FGFR2: variants seen among roughly 807,000 people sequenced by gnomAD.
FGFR2 encodes the protein fibroblast growth factor receptor 2.
Under a neutral mutation model 95.9 loss-of-function variants are expected in FGFR2, and 19 were observed. That is an observed-to-expected ratio of 0.20 (90% CI 0.14 to 0.29). FGFR2 has a LOEUF of 0.29. Among genes scored for constraint, FGFR2 ranks in the 10% least tolerant of loss-of-function variants. FGFR2 has a pLI of 1.00. For missense variants in FGFR2, 707 were observed against 1,056.9 expected, an observed-to-expected ratio of 0.67 and a Z score of 4.59; for synonymous variants, 392 against 393.3, an observed-to-expected ratio of 1.00 and a Z score of 0.04.
intron 2 of FGFR2, among the ~76,000 whole-genome samples, chr10:121,576,857 G>A (rs1184357828): frequency 1.3e-5 from 2 of 151,754 alleles, no homozygotes; most frequent in South Asian, 2.1e-4. Flanking sequence ...GACCAAGGCC[G>A]GGCATGGTGG....
rs770287475 is a variant in FGFR2 at position 121,593,878 on chromosome 10, CA to C, written c.-62del. On this transcript the variant is annotated 5_prime_UTR_variant, in exon 2 of 18. The change abolishes the stop of an existing upstream ORF in the 5' untranslated region. Transcript: ENST00000358487. ...TCCATGTGGACGTTAATCCCATCTG[CA>C]CACTTCCTCTACGGGCATGGACTAC... The C allele has an allele frequency of 2.7e-6, 4 of 1,482,532 alleles. No individual in the cohort carries two copies. The Admixed American group carries it at 6.7e-5, about 25-fold the overall frequency. 91.8% of individuals were successfully genotyped at this position (1,482,532 alleles called of 1,614,324 possible).
At chr10:121,597,688 G>A (rs1249612425) in intron 1 of FGFR2, among the ~76,000 whole-genome samples, 1 of 152,262 alleles carries the variant, frequency 6.6e-6, no homozygotes, top group Non-Finnish European at 1.5e-5. Flanking sequence ...GCGCCCGCCA[G>A]GGTTTGACAG....
chr10:121,581,656 G>C (rs1304157067), intron 2 of FGFR2, among the ~76,000 whole-genome samples: 1 of 151,468 alleles, frequency 6.6e-6, no homozygotes, highest in Non-Finnish European at 1.5e-5. Flanking sequence ...GAAGGCTAAG[G>C]TGGGAAGACC....
At chr10:121,532,034 G>A (rs1239539357) in intron 6 of FGFR2, among the ~76,000 whole-genome samples, 1 of 152,182 alleles carries the variant, frequency 6.6e-6, no homozygotes, top group East Asian at 1.9e-4. Flanking sequence ...GCCCCCCTCC[G>A]GTGAGATTTC....
intron 9 of FGFR2, among the ~76,000 whole-genome samples, chr10:121,512,676 T>C (rs552561996): frequency 3.9e-5 from 6 of 152,176 alleles, no homozygotes; most frequent in African/African-American, 1.4e-4. Flanking sequence ...ATTACAGGCA[T>C]TTACCATCAA....
chr10:121,496,851 C>A (rs1846902360), intron 12 of FGFR2, 129 bp from the exon 13 acceptor site: 1 of 824,156 alleles, frequency 1.2e-6, no homozygotes, highest in Admixed American at 2.4e-5. Context: ...CATACAGCGG[C>A]TGGGCGTGGT....
At chr10:121,591,736 A>T (rs1862684607) in intron 2 of FGFR2, among the ~76,000 whole-genome samples, 1 of 152,208 alleles carries the variant, frequency 6.6e-6, no homozygotes, top group South Asian at 2.1e-4. Flanking sequence ...ACCCATAAAA[A>T]TGCACAAAAG....
At chr10:121,576,207 A>C (rs1020002591) in intron 2 of FGFR2, among the ~76,000 whole-genome samples, 2 of 152,176 alleles carry the variant, frequency 1.3e-5, no homozygotes, top group Admixed American at 6.5e-5. Flanking sequence ...ATAAATAAAT[A>C]AATCGAGTCT....
At chr10:121,592,111 A>T (rs1029265631) in intron 2 of FGFR2, among the ~76,000 whole-genome samples, 3 of 152,210 alleles carry the variant, frequency 2.0e-5, no homozygotes, top group African/African-American at 7.2e-5. Context: ...TTGCTCCTAA[A>T]GCCCACACCG....
intron 9 of FGFR2, among the ~76,000 whole-genome samples, chr10:121,514,780 T>A (rs187061609): frequency 6.6e-6 from 1 of 152,198 alleles, no homozygotes; most frequent in Non-Finnish European, 1.5e-5. Flanking sequence ...GACACGAATG[T>A]GGCTAAAGCT....
chr10:121,561,914 T>A (rs1004880710), intron 4 of FGFR2, among the ~76,000 whole-genome samples: 1 of 152,224 alleles, frequency 6.6e-6, no homozygotes, highest in Non-Finnish European at 1.5e-5. Context: ...AGAAGATACA[T>A]GGATGGCAAT....
At chr10:121,484,426 G>GA (rs978401627) in intron 16 of FGFR2, among the ~76,000 whole-genome samples, 135 of 151,588 alleles carry the variant, frequency 8.9e-4, no homozygotes, top group African/African-American at 3.1e-3. Context: ...CGTTACAAAA[G>GA]AAAAAAAACA....
intron 6 of FGFR2, among the ~76,000 whole-genome samples, chr10:121,522,855 A>G (rs1401751589): frequency 6.6e-6 from 1 of 152,184 alleles, no homozygotes; most frequent in Non-Finnish European, 1.5e-5. Context: ...GTTAAAAAAC[A>G]ACTGAGGGAA....
chr10:121,517,085 G>A lies in FGFR2; in HGVS notation c.1084+234C>T. 1.7e-6 allele frequency: 1 copy of A among 573,448 alleles called. No homozygotes were observed. Among genetic ancestry groups the A allele is most frequent in the Non-Finnish European group, 3.1e-6 (1 of 323,314 alleles). 35.5% of individuals were successfully genotyped at this position (573,448 alleles called of 1,614,324 possible). Reference sequence around the variant, plus strand: ...GCTCAATGACTCACTAAAAATATGAGATCCCTTCAGGTTTTAAGGGTGAAA... The same window carrying A: ...GCTCAATGACTCACTAAAAATATGAAATCCCTTCAGGTTTTAAGGGTGAAA... On this transcript the variant is annotated intron_variant, in intron 8 of 17. Coordinates refer to ENST00000358487, the MANE Select transcript of FGFR2 (RefSeq NM_000141.5). This position sits in a 1 kb window ranked among gnomAD's most constrained non-coding sequence, Gnocchi z 4.7.
At chr10:121,572,987 C>T (rs1015022509) in intron 2 of FGFR2, among the ~76,000 whole-genome samples, 3 of 152,268 alleles carry the variant, frequency 2.0e-5, no homozygotes, top group African/African-American at 7.2e-5. Context: ...TCACTGCACA[C>T]ATCCAGCTGG....
At chr10:121,515,437 G>T (rs1343238713) in intron 8 of FGFR2, 118 bp from the exon 9 acceptor site, 1 of 1,018,616 alleles carries the variant, frequency 9.8e-7, no homozygotes, top group African/African-American at 1.6e-5. Context: ...CTCAAGGCAA[G>T]GTGGGCTTCC....
rs35668561 is a variant in FGFR2, at chr10:121,556,396, A to ACTCTCTCTCTCT, written c.455-4949_455-4938dup. Among the ~76,000 whole-genome samples, 367 of 128,188 alleles carry ACTCTCTCTCTCT rather than the reference A, an allele frequency of 2.9e-3. 4 individuals are homozygous for ACTCTCTCTCTCT. The highest frequency in any genetic ancestry group is 9.9e-3 in the African/African-American group (279 of 28,210). 84.1% of individuals were successfully genotyped at this position (128,188 alleles called of 152,430 possible). ...TGCTGACACCTAAGGTTTATAATCT[A>ACTCTCTCTCTCT]CTCTCTCTCTCTCTCTCTCTCTCTC... On this transcript the variant is annotated intron_variant, in intron 4 of 17. Coordinates refer to ENST00000358487, the MANE Select transcript of FGFR2 (RefSeq NM_000141.5).
chr10:121,481,950 C>T (rs1844782290), intron 17 of FGFR2: 1 of 364,412 alleles, frequency 2.7e-6, no homozygotes, highest in Non-Finnish European at 5.0e-6. Flanking sequence ...GACTCTCCTG[C>T]CTCAGCCTCC....
chr10:121,541,434 A>G (rs969584531), intron 5 of FGFR2, among the ~76,000 whole-genome samples: 3 of 152,218 alleles, frequency 2.0e-5, no homozygotes, highest in African/African-American at 4.8e-5. Flanking sequence ...AAAGATGGCA[A>G]ACAAAAGCAC....
Sources: allele counts gnomAD v4.1 joint callset (sites outside exome capture counted in the v4.1 genomes callset), GRCh38; gene constraint gnomAD v4.1.1; non-coding constraint Gnocchi (gnomAD v3.1); transcripts MANE v1.5; gene names NCBI Gene and HGNC (gene_info 2026-07-23, HGNC 2026-07-21).